C12orf75: variants seen among roughly 807,000 people sequenced by gnomAD.
C12orf75 encodes the protein chromosome 12 open reading frame 75.
Under a neutral mutation model 11.4 loss-of-function variants are expected in C12orf75, and 4 were observed. That is an observed-to-expected ratio of 0.35 (90% CI 0.17 to 0.80). C12orf75 has a LOEUF of 0.80. Among genes scored for constraint, C12orf75 ranks in the 30% least tolerant of loss-of-function variants. The pLI is 0.52. For missense variants in C12orf75, 89 were observed against 80.4 expected (o/e 1.11, Z -0.41); for synonymous variants, 30 against 30.0 (o/e 1.00, Z 0.00).
In C12orf75 at chr12:105,370,941, A is replaced by G. The variant is rs374610091; in HGVS notation, c.*341A>G. ...CCACCCTGGCCACTCAGCACATTTC[A>G]TGGAGGTCATGTCTTTTCACTGATA... On this transcript the variant is annotated 3_prime_UTR_variant, in exon 6 of 6. Coordinates refer to ENST00000443585, the MANE Select transcript of C12orf75 (RefSeq NM_001145199.2). 3.7e-6 allele frequency: 1 copy of G among 273,484 alleles called. No homozygotes were observed. The highest frequency in any genetic ancestry group is 7.4e-6 in the Non-Finnish European group (1 of 135,104). 16.9% of individuals were successfully genotyped at this position (273,484 alleles called of 1,614,324 possible). A position where few individuals can be genotyped will look rare whatever the true frequency, so the allele number is the denominator to read the frequency against.
chr12:105,349,435 AG>A (rs1042054239), intron 2 of C12orf75, among the ~76,000 whole-genome samples: 16 of 152,090 alleles, frequency 1.1e-4, no homozygotes, highest in African/African-American at 3.9e-4. Flanking sequence ...TTGGTTGGAG[AG>A]TGGGCTGGGG....
intron 1 of C12orf75, among the ~76,000 whole-genome samples, chr12:105,336,931 G>A (rs1219249450): frequency 2.6e-5 from 4 of 152,154 alleles, no homozygotes; most frequent in African/African-American, 9.7e-5. Flanking sequence ...TGCATCATTC[G>A]CTTGCTGTGT....
chr12:105,351,562 A>G (rs1892714162), intron 2 of C12orf75, among the ~76,000 whole-genome samples: 1 of 152,220 alleles, frequency 6.6e-6, no homozygotes. Flanking sequence ...ACCAAAATAC[A>G]GTGTGGTAAG....
At chr12:105,334,741 G>C (rs892348543) in intron 1 of C12orf75, among the ~76,000 whole-genome samples, 1 of 152,152 alleles carries the variant, frequency 6.6e-6, no homozygotes, top group Non-Finnish European at 1.5e-5. Flanking sequence ...TTACTCACTT[G>C]TTTTTCCCCC....
At chr12:105,345,883 C>CA (rs1223488998) in intron 1 of C12orf75, among the ~76,000 whole-genome samples, 1 of 151,690 alleles carries the variant, frequency 6.6e-6, no homozygotes, top group Non-Finnish European at 1.5e-5. Context: ...AGGCTGGTCT[C>CA]AAACTCCTGA....
At chr12:105,363,450 G>A (rs1379049399) in intron 2 of C12orf75, among the ~76,000 whole-genome samples, 3 of 152,188 alleles carry the variant, frequency 2.0e-5, no homozygotes, top group African/African-American at 7.2e-5. Context: ...ATATCTGGCC[G>A]GGCGGGGTGG....
chr12:105,354,797 G>A (rs1892754597), intron 2 of C12orf75, among the ~76,000 whole-genome samples: 2 of 152,138 alleles, frequency 1.3e-5, no homozygotes, highest in African/African-American at 2.4e-5. Context: ...GGGATGGAGA[G>A]GAATAGGTGG....
intron 1 of C12orf75, among the ~76,000 whole-genome samples, chr12:105,342,307 G>T (rs1333850406): frequency 6.6e-6 from 1 of 152,152 alleles, no homozygotes; most frequent in African/African-American, 2.4e-5. Context: ...TATTGAGAGA[G>T]TGGGCTGGTT....
chr12:105,341,301 GT>G lies in C12orf75; in HGVS notation c.47-7291del, dbSNP rs980017093. Among the ~76,000 whole-genome samples, 450 of 150,426 alleles carry G rather than the reference GT, an allele frequency of 3.0e-3. 1 individual carries two copies. The highest frequency in any genetic ancestry group is 9.9e-3 in the African/African-American group (404 of 40,960). On this transcript the variant is annotated intron_variant, in intron 1 of 5. Transcript: ENST00000443585. ...ATGAAACATAAAGAATGTCTGAGAG[GT>G]TTTTTTTTTCCCCCGTTTCCTGACA... is the stretch of plus-strand genomic sequence containing the variant.
intron 2 of C12orf75, among the ~76,000 whole-genome samples, chr12:105,355,910 G>A (rs1892775758): frequency 6.6e-6 from 1 of 152,172 alleles, no homozygotes; most frequent in Non-Finnish European, 1.5e-5. Flanking sequence ...TCTGGCTCTT[G>A]ATCTCTTGCT....
intron 2 of C12orf75, among the ~76,000 whole-genome samples, chr12:105,364,949 C>T (rs117414714): frequency 4.0e-5 from 6 of 151,176 alleles, no homozygotes; most frequent in Non-Finnish European, 7.4e-5. Context: ...TCAAGGATTC[C>T]TGTGCCTCAG....
intron 2 of C12orf75, among the ~76,000 whole-genome samples, chr12:105,352,689 G>A (rs1328216282): frequency 6.6e-6 from 1 of 152,126 alleles, no homozygotes; most frequent in Non-Finnish European, 1.5e-5. Flanking sequence ...AACCAGGCGA[G>A]TAAGAAAAGC....
intron 2 of C12orf75, among the ~76,000 whole-genome samples, chr12:105,364,324 T>TA (rs1214560868): frequency 1.3e-5 from 2 of 152,192 alleles, no homozygotes; most frequent in African/African-American, 4.8e-5. Flanking sequence ...ACACTTGAAC[T>TA]AAAAAAACAA....
intron 2 of C12orf75, among the ~76,000 whole-genome samples, chr12:105,363,593 C>A (rs1037150833): frequency 6.6e-6 from 1 of 152,026 alleles, no homozygotes; most frequent in African/African-American, 2.4e-5. Context: ...AGCATGGTGG[C>A]ACGGGCCTGG....
chr12:105,365,203 C>A (rs1871430786), intron 2 of C12orf75, among the ~76,000 whole-genome samples: 1 of 152,068 alleles, frequency 6.6e-6, no homozygotes, highest in Non-Finnish European at 1.5e-5. Context: ...TAAATGTATC[C>A]TTTTAAATAT....
At chr12:105,332,984 G>A (rs999767560) in intron 1 of C12orf75, among the ~76,000 whole-genome samples, 4 of 149,764 alleles carry the variant, frequency 2.7e-5, no homozygotes, top group Non-Finnish European at 5.9e-5. Context: ...CCTCACTTTT[G>A]TTTGTGGACA....
chr12:105,352,765 A>G (rs78645980), intron 2 of C12orf75, among the ~76,000 whole-genome samples: 199 of 152,292 alleles, frequency 1.3e-3, no homozygotes, highest in African/African-American at 4.5e-3. Flanking sequence ...TGTAAATCCT[A>G]TGACAGGCTA....
intron 1 of C12orf75, among the ~76,000 whole-genome samples, chr12:105,331,431 A>G (rs1892421527): frequency 6.6e-6 from 1 of 152,122 alleles, no homozygotes; most frequent in Non-Finnish European, 1.5e-5. Flanking sequence ...GTTGGGGAGA[A>G]CTAGAAGCAG....
At chr12:105,358,226 G>A (rs185447991) in intron 2 of C12orf75, among the ~76,000 whole-genome samples, 91 of 152,210 alleles carry the variant, frequency 6.0e-4, no homozygotes, top group Non-Finnish European at 4.9e-4. Context: ...TGGTTTAAAA[G>A]GTTTTATAGC....
Sources: allele counts gnomAD v4.1 joint callset (sites outside exome capture counted in the v4.1 genomes callset), GRCh38; gene constraint gnomAD v4.1.1; transcripts MANE v1.5; gene names NCBI Gene and HGNC (gene_info 2026-07-23, HGNC 2026-07-21).